DNAH1: variants seen among roughly 807,000 people sequenced by gnomAD.
The protein encoded by DNAH1 is axonemal beta dynein heavy chain 1.
Under a neutral mutation model 484.3 loss-of-function variants are expected in DNAH1, and 327 were observed. That is an observed-to-expected ratio of 0.68 (90% confidence interval 0.62 to 0.74). DNAH1 has a LOEUF of 0.74. Among genes scored for constraint, DNAH1 ranks in the 30% least tolerant of loss-of-function variants. The pLI, the probability that DNAH1 is intolerant of heterozygous loss-of-function variation, is 0.00. For synonymous variants in DNAH1, 2,192 were observed against 2,191.9 expected (o/e 1.00, Z 0.00); for missense variants, 5,052 against 5,546.8 (o/e 0.91, Z 2.83).
rs760774884 is a variant in DNAH1 at position 52,392,651 on chromosome 3, G to A, written c.10240G>A (p.Val3414Met). 1.2e-6 allele frequency: 2 copies of A among 1,609,992 alleles called. No individual in the cohort carries two copies. The highest frequency in any genetic ancestry group is 1.3e-5 in the African/African-American group (1 of 74,946). The change falls in exon 64 of 78, where the codon GTG (valine) becomes ATG (methionine). Residue 3414 changes from valine to methionine, a missense_variant. Coordinates refer to ENST00000420323, the MANE Select transcript of DNAH1 (RefSeq NM_015512.5). ...NPVDDMELIK[V>M]LEASKMKAAE... is the part of the protein sequence containing the mutation. Reference sequence around the variant, plus strand: ...TGTAGATGACATGGAACTCATCAAGGTGCTGGAAGCCTCCAAGATGAAGGC... The same window carrying A: ...TGTAGATGACATGGAACTCATCAAGATGCTGGAAGCCTCCAAGATGAAGGC...
At chr3:52,376,040 C>A in intron 46 of DNAH1, 47 bp downstream of exon 46, 1 of 1,601,936 alleles carries the variant, frequency 6.2e-7, no homozygotes. Context: ...CCAGGAGGAG[C>A]CCTGGGCTCT....
rs371210477 is a variant in DNAH1 at position 52,398,857 on chromosome 3, C to A, written c.12097C>A (p.Arg4033=). 181 of 1,541,490 alleles carry A rather than the reference C, an allele frequency of 1.2e-4. No homozygotes were observed. In the African/African-American group the frequency reaches 2.3e-3, roughly 20 times the overall value. The change falls in exon 76 of 78, where the codon CGG becomes AGG. Residue 4033 remains arginine (R), a synonymous_variant. Coordinates refer to ENST00000420323, the MANE Select transcript of DNAH1 (RefSeq NM_015512.5). ...TTGCCACTGGCCTCACAGGTACAATCGGCTGCTGCAGGTGATCACACAGAC... is the reference window on the plus strand; with the variant it reads ...TTGCCACTGGCCTCACAGGTACAATAGGCTGCTGCAGGTGATCACACAGAC... The part of the protein sequence containing the change: ...VLVQEVIRYN[R]LLQVITQTLQ...
chr3:52,349,525 G>GTGT, intron 14 of DNAH1, 105 bp downstream of exon 14: 1 of 1,130,578 alleles, frequency 8.8e-7, no homozygotes, highest in East Asian at 2.5e-5. Context: ...AGGGTCTGGG[G>GTGT]TGTCTGTGGA....
At chr3:52,323,715 C>T (rs1246300346) in intron 2 of DNAH1, 93 bp from the exon 3 acceptor site, 2 of 959,966 alleles carry the variant, frequency 2.1e-6, no homozygotes. Context: ...CCTGGTGGGT[C>T]TCAAGGGAGG....
rs755510806 is a variant in DNAH1, at chr3:52,398,093, G to A, written c.12020G>A (p.Trp4007Ter). ...LKVPEPINLQ[W>*]VMAKYPVLYE... ...GTGCCTGAGCCTATCAACTTGCAAT[G>A]GGTGATGGCCAAGTACCCAGTGCTG... The change falls in exon 75 of 78, where the codon TGG (tryptophan) becomes TAG (stop). Residue 4007 changes from tryptophan to a stop codon, truncating the protein, a stop_gained. Coordinates refer to ENST00000420323, the MANE Select transcript of DNAH1 (RefSeq NM_015512.5). LOFTEE classifies it high-confidence loss of function. 6 of 1,613,924 alleles carry A rather than the reference G, an allele frequency of 3.7e-6. No homozygotes were observed. The highest frequency in any genetic ancestry group is 5.1e-6 in the Non-Finnish European group (6 of 1,179,880).
At chr3:52,348,858 T>G (rs1702251478) in intron 12 of DNAH1, 30 bp from the exon 13 acceptor site, 1 of 1,605,210 alleles carries the variant, frequency 6.2e-7, no homozygotes, top group African/African-American at 1.3e-5. Flanking sequence ...CTCATCCAGG[T>G]CTGCCCTGCC....
rs764707662 is a variant in DNAH1 at position 52,364,946 on chromosome 3, G to T, written c.5445G>T (p.Glu1815Asp). ...ACCTGTTTCCCACCATCAAGGAGGA[G>T]GACACGGACTACGGCATCCTGGATG... ...VSDLFPTIKE[E>D]DTDYGILDEA... Residue 1815 changes from glutamate (E) to aspartate (D), a missense_variant, in exon 34 of 78, where the codon GAG becomes GAT. Glu to Asp is a conservative substitution (Grantham distance 45). This residue lies in a region of DNAH1 where 2,929 missense variants were observed against 3,409.4 expected (regional missense o/e 0.86). Coordinates refer to ENST00000420323, the MANE Select transcript of DNAH1 (RefSeq NM_015512.5). The surrounding 1 kb of genome is among the most constrained non-coding windows in gnomAD (Gnocchi z 4.2). 3.7e-6 allele frequency: 6 copies of T among 1,613,866 alleles called. No individual in the cohort carries two copies. In the East Asian group the frequency reaches 1.3e-4, roughly 36 times the overall value.
intron 5 of DNAH1, among the ~76,000 whole-genome samples, chr3:52,327,666 T>C (rs530171907): frequency 1.3e-5 from 2 of 152,192 alleles, no homozygotes; most frequent in Non-Finnish European, 2.9e-5. Flanking sequence ...CCAGATGCTG[T>C]GTACCCCTGG....
chr3:52,392,405 C>T (rs1197233598), intron 63 of DNAH1, 59 bp from the exon 64 acceptor site: 27 of 1,523,400 alleles, frequency 1.8e-5, no homozygotes, highest in South Asian at 8.1e-5. Flanking sequence ...ACCAGGTTCA[C>T]GACTAGCCCT....
intron 12 of DNAH1, 46 bp from the exon 13 acceptor site, chr3:52,348,842 C>T: frequency 1.3e-6 from 2 of 1,591,604 alleles, no homozygotes; most frequent in Non-Finnish European, 1.7e-6. Flanking sequence ...CTCATTCACC[C>T]CCTGGCTCAT....
At chr3:52,340,024 C>T (rs1420183078) in intron 8 of DNAH1, among the ~76,000 whole-genome samples, 1 of 152,174 alleles carries the variant, frequency 6.6e-6, no homozygotes, top group Non-Finnish European at 1.5e-5. Context: ...CCCTTAAGTC[C>T]CTTCCTTGTA....
In DNAH1 at chr3:52,358,102, G is replaced by A; in HGVS notation, c.4086+99G>A. 2.1e-6 allele frequency: 2 copies of A among 946,914 alleles called. No homozygotes were observed. Among genetic ancestry groups the A allele is most frequent in the African/African-American group, 1.7e-5 (1 of 60,454 alleles). 58.7% of individuals were successfully genotyped at this position (946,914 alleles called of 1,614,324 possible). On this transcript the variant is annotated intron_variant, in intron 24 of 77. Transcript: ENST00000420323. This position sits in a 1 kb window ranked among gnomAD's most constrained non-coding sequence, Gnocchi z 4.2. The stretch of plus-strand genomic sequence containing the variant: ...GATGAGCCCTTTTAGCAGGAAATGT[G>A]GCAAATGACATTCCTGGTCTTTGGA...
Position 52,358,054 on chromosome 3 carries a change from A to G in DNAH1, c.4086+51A>G. 7.2e-7 allele frequency: 1 copy of G among 1,393,362 alleles called. No individual in the cohort carries two copies. The highest frequency in any genetic ancestry group is 9.8e-7 in the Non-Finnish European group (1 of 1,017,786). The allele number at this position is 1,393,362 out of a possible 1,614,324, so 86.3% of individuals were successfully genotyped here. A position where few individuals can be genotyped will look rare whatever the true frequency, so the allele number is the denominator to read the frequency against. Reference sequence around the variant, plus strand: ...GGCTGGGAGCATGGGGCATCTTCCCAGGGAGAACGTCCCTCCCTTTGTGAT... The same window carrying G: ...GGCTGGGAGCATGGGGCATCTTCCCGGGGAGAACGTCCCTCCCTTTGTGAT... On this transcript the variant is annotated intron_variant, in intron 24 of 77. Transcript: ENST00000420323. The surrounding 1 kb of genome is among the most constrained non-coding windows in gnomAD (Gnocchi z 4.2).
chr3:52,333,611 C>T (rs1701633042), intron 8 of DNAH1, among the ~76,000 whole-genome samples: 1 of 152,106 alleles, frequency 6.6e-6, no homozygotes, highest in Non-Finnish European at 1.5e-5. Flanking sequence ...TGGTCTCGAG[C>T]TCCCGACCTC....
chr3:52,356,874 A>G, intron 22 of DNAH1, 96 bp downstream of exon 22: 2 of 1,420,900 alleles, frequency 1.4e-6, no homozygotes, highest in Non-Finnish European at 1.9e-6. Flanking sequence ...CTACACAGAA[A>G]AGGCTGGTGG....
Position 52,365,010 on chromosome 3 carries a change from G to T in DNAH1, c.5509G>T (p.Asp1837Tyr), listed in dbSNP as rs777798291. The change falls in exon 34 of 78, where the codon GAT becomes TAT. Residue 1837 changes from aspartate (D) to tyrosine (Y), a missense_variant. This residue lies in a region of DNAH1 where 2,929 missense variants were observed against 3,409.4 expected (regional missense o/e 0.86). Transcript: ENST00000420323. ...GGCCTGCAGGAACAGCAACCTCAAG[G>T]ATGTGGAGGGTGAGCCTCGGGCCCT... ...REACRNSNLK[D>Y]VEGFLTKCIQ... The T allele has an allele frequency of 6.2e-7, 1 of 1,609,298 alleles. No individual in the cohort carries two copies.
rs747980793 is a variant in DNAH1 at position 52,369,881 on chromosome 3, C to A, written c.6000C>A (p.Val2000=). Residue 2000 remains valine (V), a synonymous_variant, in exon 38 of 78, where the codon GTC becomes GTA. Transcript: ENST00000420323. ...QDLAVASPAT[V]SRCGMVYLEP... The stretch of plus-strand genomic sequence containing the variant: ...TGGCGGTGGCTTCACCAGCTACAGT[C>A]TCCCGCTGTGGCATGGTGTACCTGG... The A allele has an allele frequency of 6.2e-7, 1 of 1,613,826 alleles. No homozygotes were observed. Among genetic ancestry groups the A allele is most frequent in the Admixed American group, 1.7e-5 (1 of 60,028 alleles).
At chr3:52,363,286 AT>A in intron 32 of DNAH1, 142 bp downstream of exon 32, 2 of 1,155,668 alleles carry the variant, frequency 1.7e-6, no homozygotes, top group South Asian at 1.6e-5. Flanking sequence ...ACCCTTGGAG[AT>A]AGGAGTTACA....
In DNAH1 at chr3:52,384,898, A is replaced by G. The variant is rs1490642722; in HGVS notation, c.8435A>G (p.His2812Arg). The change falls in exon 53 of 78, where the codon CAT becomes CGT. Residue 2812 changes from histidine to arginine, a missense_variant. Around this residue, in one of 4 missense-constraint regions of DNAH1, gnomAD observed 2,929 missense variants for 3,409.4 expected, o/e 0.86. Coordinates refer to ENST00000420323, the MANE Select transcript of DNAH1 (RefSeq NM_015512.5). ...VTPKSYLELLHIFSILIGQKK... is the reference protein window; with the variant it reads ...VTPKSYLELLRIFSILIGQKK... Reference sequence around the variant, plus strand: ...CCCAAGAGCTACTTGGAGCTGCTTCATATTTTCTCCATCCTCATCGGGCAG... The same window carrying G: ...CCCAAGAGCTACTTGGAGCTGCTTCGTATTTTCTCCATCCTCATCGGGCAG... 7 of 1,613,584 alleles carry G rather than the reference A, an allele frequency of 4.3e-6. No individual in the cohort carries two copies. The highest frequency in any genetic ancestry group is 3.3e-5 in the Admixed American group (2 of 59,948).
Sources: gnomAD v4.1 joint callset for allele counts (sites outside exome capture counted in the v4.1 genomes callset) on GRCh38, gnomAD v4.1.1 for gene constraint, gnomAD v4.1.1 regional missense constraint, Gnocchi (gnomAD v3.1) non-coding constraint, MANE v1.5 for transcripts, NCBI Gene and HGNC (gene_info 2026-07-23, HGNC 2026-07-21) for gene names.